The following MICAL2 variants were observed in gnomAD, a reference collection of about 807,000 sequenced individuals.
MICAL2 encodes [F-actin]-monooxygenase MICAL2.
In MICAL2, 77 loss-of-function variants were observed where a neutral mutation model predicts 127.3. That is an observed-to-expected ratio of 0.60 (90% confidence interval 0.50 to 0.73). MICAL2 has a LOEUF of 0.73. Among genes scored for constraint, MICAL2 ranks in the 30% least tolerant of loss-of-function variants. MICAL2 has a pLI of 0.00. For synonymous variants in MICAL2, 570 were observed against 551.1 expected (o/e 1.03, Z -0.48); for missense variants, 1,351 against 1,434.4 (o/e 0.94, Z 0.94).
chr11:12,274,121 A>G (rs1863700594), upstream of MICAL2, among the ~76,000 whole-genome samples: 1 of 152,178 alleles, frequency 6.6e-6, no homozygotes, highest in South Asian at 2.1e-4. Flanking sequence ...CAGTAGACAA[A>G]TGAGGACACA....
At chr11:12,285,141 T>C (rs1258891038) in intron 2 of MICAL2, among the ~76,000 whole-genome samples, 1 of 152,026 alleles carries the variant, frequency 6.6e-6, no homozygotes, top group Non-Finnish European at 1.5e-5. Flanking sequence ...GATGAACTCA[T>C]AGGGAGTCAA....
intron 3 of MICAL2, among the ~76,000 whole-genome samples, chr11:12,182,023 G>A (rs1470078587): frequency 6.6e-6 from 1 of 152,188 alleles, no homozygotes; most frequent in Non-Finnish European, 1.5e-5. Flanking sequence ...CCTTCTTGCA[G>A]TGGTTGCAGA....
chr11:12,354,391 GA>G lies in MICAL2; in HGVS notation c.5616-391del. Among the ~76,000 whole-genome samples the G allele has an allele frequency of 2.0e-5, 3 of 152,136 alleles. No individual in the cohort carries two copies. In the South Asian group the frequency reaches 6.2e-4, roughly 32 times the overall value. ...GGAGGCTGAGGCAGGAAAATCGCTTGAACCTGGGAGGTGGAGGTTGCAGTGA... is the reference window on the plus strand; with the variant it reads ...GGAGGCTGAGGCAGGAAAATCGCTTGACCTGGGAGGTGGAGGTTGCAGTGA... On this transcript the variant is annotated intron_variant, in intron 33 of 34. Transcript: ENST00000646065.
chr11:12,164,301 TGTG>T (rs1165078840), intron 3 of MICAL2, among the ~76,000 whole-genome samples: 1 of 152,172 alleles, frequency 6.6e-6, no homozygotes, highest in Non-Finnish European at 1.5e-5. Flanking sequence ...ATGCCTGTCT[TGTG>T]AGGAAGAACA....
In MICAL2 at chr11:12,262,435, T is replaced by C. The variant is rs1469283268; in HGVS notation, c.3335-45T>C. 3 of 1,611,932 alleles carry C rather than the reference T, an allele frequency of 1.9e-6. No homozygotes were observed. In the Admixed American group the frequency reaches 5.0e-5, roughly 27 times the overall value. On this transcript the variant is annotated intron_variant, in intron 26 of 27. Coordinates refer to ENST00000683283, the MANE Select transcript of MICAL2 (RefSeq NM_001282663.2). ...CTTTTTTCCCCACACTAAGCTCTCT[T>C]TTCTATCTTTCTCTCTCTTTCCAAT...
intron 3 of MICAL2, among the ~76,000 whole-genome samples, chr11:12,186,288 G>A (rs749405672): frequency 6.6e-6 from 1 of 151,762 alleles, no homozygotes; most frequent in Non-Finnish European, 1.5e-5. Flanking sequence ...TGGTTTGACT[G>A]AATAACAGGC....
chr11:12,335,074 G>A (rs2134869198), intron 32 of MICAL2, among the ~76,000 whole-genome samples: 1 of 151,502 alleles, frequency 6.6e-6, no homozygotes, highest in East Asian at 2.0e-4. Context: ...CACCAACAGT[G>A]TAAAAGTGTT....
chr11:12,361,864 G>A (rs1177084029), downstream of MICAL2, among the ~76,000 whole-genome samples: 1 of 152,244 alleles, frequency 6.6e-6, no homozygotes, highest in Non-Finnish European at 1.5e-5. Context: ...GGTGGCAGGG[G>A]GCAGCCGGGG....
At chr11:12,277,809 G>C (rs1863737116) in intron 1 of MICAL2, among the ~76,000 whole-genome samples, 1 of 152,184 alleles carries the variant, frequency 6.6e-6, no homozygotes, top group Admixed American at 6.5e-5. Context: ...GAACATGATA[G>C]AGGGCATTTA....
At chr11:12,168,704 A>G (rs1855853346) in intron 3 of MICAL2, among the ~76,000 whole-genome samples, 1 of 151,800 alleles carries the variant, frequency 6.6e-6, no homozygotes, top group Admixed American at 6.6e-5. Context: ...ATGCCTGCTC[A>G]TGATAAAAAA....
At chr11:12,287,167 G>A (rs1863836224) in exon 3 of MICAL2, 1 of 398,878 alleles carries the variant, frequency 2.5e-6, no homozygotes, top group Non-Finnish European at 4.4e-6. Flanking sequence ...CTGGTGGAGT[G>A]AGTCACTAGC....
chr11:12,282,843 G>A (rs1046104061), intron 2 of MICAL2, among the ~76,000 whole-genome samples: 1 of 152,092 alleles, frequency 6.6e-6, no homozygotes, highest in Non-Finnish European at 1.5e-5. Context: ...TAGTATTCTC[G>A]AGGCTGTTTC....
At chr11:12,341,514 TC>T (rs1938864456) in intron 32 of MICAL2, among the ~76,000 whole-genome samples, 2 of 152,198 alleles carry the variant, frequency 1.3e-5, no homozygotes, top group South Asian at 2.1e-4. Context: ...GTTTTTTTTC[TC>T]TACTACTATC....
At chr11:12,319,765 C>A (rs1349507956) in exon 30 of MICAL2, 1 of 1,614,140 alleles carries the variant, frequency 6.2e-7, no homozygotes, top group Non-Finnish European at 8.5e-7. Context: ...ACCTCCTCCT[C>A]CTCTGCAGAT....
chr11:12,294,819 C>CTCG, downstream of MICAL2: 2 of 1,514,508 alleles, frequency 1.3e-6, no homozygotes, highest in Non-Finnish European at 1.8e-6. Context: ...CCTCCTCCTC[C>CTCG]TCCTCCTCCT....
chr11:12,143,825 G>A (rs553320701), intron 2 of MICAL2, among the ~76,000 whole-genome samples: 1 of 152,182 alleles, frequency 6.6e-6, no homozygotes, highest in Admixed American at 6.5e-5. Flanking sequence ...TGTTTTTAAG[G>A]ATGACATTTG....
chr11:12,112,188 G>C (rs1324940295), intron 1 of MICAL2, among the ~76,000 whole-genome samples: 1 of 152,216 alleles, frequency 6.6e-6, no homozygotes, highest in African/African-American at 2.4e-5. Flanking sequence ...GCTGTGGGAA[G>C]TGGTGTGCTG....
intron 1 of MICAL2, among the ~76,000 whole-genome samples, chr11:12,119,214 T>C (rs1461867295): frequency 1.3e-5 from 2 of 152,196 alleles, no homozygotes; most frequent in Non-Finnish European, 2.9e-5. Flanking sequence ...GTGGGCTGTT[T>C]ATGGCTGCTC....
intron 26 of MICAL2, chr11:12,261,726 T>C: frequency 1.0e-6 from 1 of 985,400 alleles, no homozygotes; most frequent in Non-Finnish European, 1.2e-6. Flanking sequence ...TTCCCTGAAA[T>C]CCTTGGGAAA....
Sources: gnomAD v4.1 joint callset for allele counts (sites outside exome capture counted in the v4.1 genomes callset) on GRCh38, gnomAD v4.1.1 for gene constraint, MANE v1.5 for transcripts, NCBI Gene and HGNC (gene_info 2026-07-23, HGNC 2026-07-21) for gene names.